APP: variants seen among roughly 807,000 people sequenced by gnomAD.
APP encodes the protein amyloid-beta precursor protein.
Under a neutral mutation model 101.4 loss-of-function variants are expected in APP, and 31 were observed. That is an observed-to-expected ratio of 0.31 (90% CI 0.23 to 0.41). The LOEUF (loss-of-function observed/expected upper bound fraction) is 0.41. APP is among the 10% of genes least tolerant of loss of function. APP has a pLI of 1.00. For synonymous variants in APP, 366 were observed against 364.4 expected (o/e 1.00, Z -0.05); for missense variants, 839 against 1,003.7 (o/e 0.84, Z 2.22).
chr21:26,019,301 A>G (rs571345153), intron 6 of APP, among the ~76,000 whole-genome samples: 1 of 152,342 alleles, frequency 6.6e-6, no homozygotes, highest in South Asian at 2.1e-4. Flanking sequence ...AAATTGGACC[A>G]ATCCTGTCTC....
At chr21:25,970,890 A>G (rs1488383688) in intron 11 of APP, among the ~76,000 whole-genome samples, 2 of 152,214 alleles carry the variant, frequency 1.3e-5, no homozygotes, top group East Asian at 3.9e-4. Context: ...CATAGAAAGA[A>G]AAATCAAAAT....
intron 1 of APP, among the ~76,000 whole-genome samples, chr21:26,142,390 T>C (rs1366632378): frequency 2.0e-5 from 3 of 152,218 alleles, no homozygotes; most frequent in Non-Finnish European, 4.4e-5. Flanking sequence ...TGGTGCATCC[T>C]GTGCTTATTT....
chr21:26,015,314 A>G (rs562874475), intron 6 of APP, among the ~76,000 whole-genome samples: 2 of 152,334 alleles, frequency 1.3e-5, no homozygotes, highest in Admixed American at 6.5e-5. Context: ...CAGTTACTGT[A>G]TACCAGGAAT....
intron 13 of APP, among the ~76,000 whole-genome samples, chr21:25,932,357 C>CT (rs34223469): frequency 1 from 152,334 of 152,344 alleles, 76,162 homozygotes; most frequent in Middle Eastern, 1. Flanking sequence ...GGGGTGTCAT[C>CT]TTATTCACCT....
At chr21:26,028,176 C>CAAAAAAAA (rs200301180) in intron 5 of APP, among the ~76,000 whole-genome samples, 1 of 93,506 alleles carries the variant, frequency 1.1e-5, no homozygotes, top group African/African-American at 4.2e-5. Flanking sequence ...GACTCTGTCT[C>CAAAAAAAA]AAAAAAAAAA....
At chr21:26,053,411 G>A in intron 3 of APP, 63 bp from the exon 4 acceptor site, 1 of 1,197,798 alleles carries the variant, frequency 8.3e-7, no homozygotes, top group Non-Finnish European at 1.2e-6. Context: ...TACCGCAGAA[G>A]ACATCAAGGA....
At chr21:25,909,181 T>C (rs2038936581) in intron 14 of APP, among the ~76,000 whole-genome samples, 1 of 146,236 alleles carries the variant, frequency 6.8e-6, no homozygotes, top group African/African-American at 2.6e-5. Flanking sequence ...GAAAATGGCA[T>C]GAACCTGGGA....
chr21:25,989,482 G>A (rs1230893892), intron 8 of APP, among the ~76,000 whole-genome samples: 1 of 152,128 alleles, frequency 6.6e-6, no homozygotes, highest in Non-Finnish European at 1.5e-5. Flanking sequence ...AATGGACTCA[G>A]GACACAAAAG....
At chr21:26,090,718 A>G (rs1601433784) in intron 2 of APP, among the ~76,000 whole-genome samples, 1 of 152,236 alleles carries the variant, frequency 6.6e-6, no homozygotes, top group African/African-American at 2.4e-5. Flanking sequence ...TATTATGTTT[A>G]GTAAAATTCA....
chr21:25,952,432 T>A (rs1052835000), intron 13 of APP, among the ~76,000 whole-genome samples: 1 of 151,756 alleles, frequency 6.6e-6, no homozygotes, highest in Admixed American at 6.6e-5. Flanking sequence ...TATCTAAATA[T>A]CCTCCCTGGT....
chr21:26,165,426 T>C (rs1302151845), intron 1 of APP, among the ~76,000 whole-genome samples: 1 of 152,224 alleles, frequency 6.6e-6, no homozygotes, highest in East Asian at 1.9e-4. Flanking sequence ...CACAGAAACT[T>C]GCCCATGGTC....
chr21:26,051,113 C>G lies in APP; in HGVS notation c.549G>C (p.Glu183Asp). Residue 183 changes from glutamate (E) to aspartate (D), a missense_variant, in exon 5 of 18, where the codon GAG becomes GAC. Coordinates refer to ENST00000346798, the MANE Select transcript of APP (RefSeq NM_000484.4). Reference protein sequence around the residue: ...PCGIDKFRGVEFVCCPLAEES... With the variant: ...PCGIDKFRGVDFVCCPLAEES... Reference sequence around the variant, plus strand: ...CTTCAGCCAGTGGGCAACACACAAACTCTACCCCTCGGAACTTGTCAATTC... The same window carrying G: ...CTTCAGCCAGTGGGCAACACACAAAGTCTACCCCTCGGAACTTGTCAATTC... 1 of 1,614,184 alleles carries G rather than the reference C, an allele frequency of 6.2e-7. No homozygotes were observed. The highest frequency in any genetic ancestry group is 8.5e-7 in the Non-Finnish European group (1 of 1,180,028).
rs956020751 is a variant in APP at position 25,901,601 on chromosome 21, T to C, written c.1963+3423A>G. On this transcript the variant is annotated intron_variant, in intron 15 of 17. Transcript: ENST00000346798. ...CAGTAAGCTGGCACATAGGGAAATA[T>C]TCATAATAAGGTGATAATGCATGTA... Among the ~76,000 whole-genome samples the C allele has an allele frequency of 1.3e-5, 2 of 152,210 alleles. 1 individual carries two copies.
At chr21:26,128,187 C>G (rs994200667) in intron 1 of APP, among the ~76,000 whole-genome samples, 1 of 152,228 alleles carries the variant, frequency 6.6e-6, no homozygotes, top group Non-Finnish European at 1.5e-5. Context: ...CGTGTGTCGT[C>G]AACCCCAGCT....
chr21:26,157,411 T>TAGAAAGTAAAACCAACAGC (rs1211867458), intron 1 of APP, among the ~76,000 whole-genome samples: 12 of 152,180 alleles, frequency 7.9e-5, no homozygotes, highest in Admixed American at 3.3e-4. Flanking sequence ...AATGAAATGT[T>TAGAAAGTAAAACCAACAGC]AGAAAGTAAA....
At chr21:26,023,082 T>C (rs7278584) in intron 5 of APP, among the ~76,000 whole-genome samples, 258 of 126,340 alleles carry the variant, frequency 2.0e-3, no homozygotes, top group Middle Eastern at 5.9e-3. Context: ...CTTAAGTAAA[T>C]CTGCAATGCC....
chr21:25,886,606 G>T (rs1261363578), intron 17 of APP, among the ~76,000 whole-genome samples: 1 of 151,992 alleles, frequency 6.6e-6, no homozygotes, highest in African/African-American at 2.4e-5. Flanking sequence ...TGTTGGCCAG[G>T]CTGGACTCGA....
chr21:26,065,112 C>G (rs1161059457), intron 3 of APP, among the ~76,000 whole-genome samples: 1 of 152,172 alleles, frequency 6.6e-6, no homozygotes, highest in African/African-American at 2.4e-5. Flanking sequence ...CCTCGGCCTC[C>G]CAAAGTGCTG....
At chr21:26,112,240 T>C in intron 1 of APP, 94 bp from the exon 2 acceptor site, 1 of 1,315,618 alleles carries the variant, frequency 7.6e-7, no homozygotes, top group Non-Finnish European at 1.1e-6. Context: ...AGAGTTCTAT[T>C]CTTGCTCATT....
Sources: gnomAD v4.1 joint callset for allele counts (sites outside exome capture counted in the v4.1 genomes callset) on GRCh38, gnomAD v4.1.1 for gene constraint, MANE v1.5 for transcripts, NCBI Gene and HGNC (gene_info 2026-07-23, HGNC 2026-07-21) for gene names.